Variants in WWOX observed in about 807,000 individuals in gnomAD.
The protein encoded by WWOX is WW domain-containing oxidoreductase.
A neutral mutation model predicts 46.2 loss-of-function variants in WWOX; 69 were observed. The ratio of observed to expected loss-of-function variants is 1.49; its 90% CI spans 1.23 to 1.82. The LOEUF (loss-of-function observed/expected upper bound fraction) is 1.82. WWOX is among the 40% of genes most tolerant of loss of function. The pLI is 0.00. For synonymous variants in WWOX, 359 were observed against 202.6 expected, an observed-to-expected ratio of 1.77 and a Z score of -6.56; for missense variants, 919 against 542.6, an observed-to-expected ratio of 1.69 and a Z score of -6.89.
intron 8 of WWOX, among the ~76,000 whole-genome samples, chr16:78,675,488 G>A (rs1486137160): frequency 2.6e-5 from 4 of 151,832 alleles, no homozygotes; most frequent in Admixed American, 1.3e-4. Flanking sequence ...TTCCAGGCAC[G>A]GTTGTAAGCA....
intron 8 of WWOX, among the ~76,000 whole-genome samples, chr16:78,616,818 C>T (rs890184020): frequency 1.3e-5 from 2 of 152,070 alleles, no homozygotes; most frequent in African/African-American, 4.8e-5. Context: ...ACTCAGGAAG[C>T]CTTCACTCTA....
chr16:78,875,818 C>T (rs532770864), intron 8 of WWOX, among the ~76,000 whole-genome samples: 14 of 152,222 alleles, frequency 9.2e-5, no homozygotes, highest in African/African-American at 3.1e-4. Flanking sequence ...TATTGACTTA[C>T]AGGTTTCTAG....
intron 8 of WWOX, among the ~76,000 whole-genome samples, chr16:78,939,997 T>C (rs2045819958): frequency 6.6e-6 from 1 of 152,218 alleles, no homozygotes; most frequent in Non-Finnish European, 1.5e-5. Flanking sequence ...AAATTTTAAA[T>C]CTATTTTTAT....
intron 8 of WWOX, among the ~76,000 whole-genome samples, chr16:78,730,780 G>T (rs2048952183): frequency 6.6e-6 from 1 of 151,610 alleles, no homozygotes; most frequent in Non-Finnish European, 1.5e-5. Context: ...AAATCTTTTA[G>T]GAAAAAAAAG....
At chr16:78,201,172 G>A (rs1011647801) in intron 5 of WWOX, among the ~76,000 whole-genome samples, 6 of 152,216 alleles carry the variant, frequency 3.9e-5, no homozygotes, top group African/African-American at 9.6e-5. Context: ...TAATGTGGCA[G>A]TGTATTCCTT....
In WWOX at chr16:78,913,191, C is replaced by G. The variant is rs374449363; in HGVS notation, c.1057-298417C>G. On this transcript the variant is annotated intron_variant, in intron 8 of 8. Coordinates refer to ENST00000566780, the MANE Select transcript of WWOX (RefSeq NM_016373.4). ...GAGGTAATATGAGGAGATCCGAGACCTCATCCTTGCAGGGAGTGGGCTTGA... is the reference window on the plus strand; with the variant it reads ...GAGGTAATATGAGGAGATCCGAGACGTCATCCTTGCAGGGAGTGGGCTTGA... Among the ~76,000 whole-genome samples, 17 of 152,112 alleles carry G rather than the reference C, an allele frequency of 1.1e-4. No individual in the cohort carries two copies. In the East Asian group the frequency reaches 2.7e-3, roughly 24 times the overall value.
intron 5 of WWOX, among the ~76,000 whole-genome samples, chr16:78,292,680 C>G (rs1174453151): frequency 6.6e-6 from 1 of 151,874 alleles, no homozygotes; most frequent in African/African-American, 2.4e-5. Context: ...CATGTTGGAG[C>G]AATTCTGGCA....
At chr16:78,651,193 C>T (rs8063721) in intron 8 of WWOX, among the ~76,000 whole-genome samples, 2 of 152,218 alleles carry the variant, frequency 1.3e-5, no homozygotes, top group Non-Finnish European at 2.9e-5. Flanking sequence ...CACCACTGTA[C>T]AGCATCTTTA....
intron 8 of WWOX, among the ~76,000 whole-genome samples, chr16:78,497,401 G>T (rs913122830): frequency 3.3e-5 from 5 of 152,162 alleles, no homozygotes; most frequent in Admixed American, 6.5e-5. Flanking sequence ...CATGACACTG[G>T]TCTGCACAAT....
intron 8 of WWOX, among the ~76,000 whole-genome samples, chr16:78,600,204 C>T (rs2045588420): frequency 6.6e-6 from 1 of 152,006 alleles, no homozygotes; most frequent in Non-Finnish European, 1.5e-5. Context: ...TTACGTTCCA[C>T]CGGGGCCCTC....
chr16:78,704,958 C>T (rs1177022027), intron 8 of WWOX, among the ~76,000 whole-genome samples: 2 of 151,216 alleles, frequency 1.3e-5, no homozygotes, highest in Non-Finnish European at 2.9e-5. Context: ...CCTTAAAAAC[C>T]AGCGACAGTC....
intron 8 of WWOX, among the ~76,000 whole-genome samples, chr16:78,508,310 C>CTTTTTTTTTTTTTTTTTTTTTTTT (rs60281450): frequency 1.8e-5 from 2 of 112,768 alleles, no homozygotes; most frequent in African/African-American, 8.5e-5. Flanking sequence ...TGCGCCCGGC[C>CTTTTTTTTTTTTTTTTTTTTTTTT]TTTTTTTTTT....
intron 8 of WWOX, among the ~76,000 whole-genome samples, chr16:78,919,061 G>T (rs567267003): frequency 8.3e-4 from 127 of 152,164 alleles, no homozygotes; most frequent in African/African-American, 2.8e-3. Flanking sequence ...CGCTGCCAAG[G>T]GGGGCTGTTC....
chr16:78,803,159 C>G (rs1382472134), intron 8 of WWOX, among the ~76,000 whole-genome samples: 4 of 151,570 alleles, frequency 2.6e-5, no homozygotes, highest in Non-Finnish European at 5.9e-5. Context: ...CTGATTTATT[C>G]CACTCACACA....
intron 3 of WWOX, 53 bp downstream of exon 3, chr16:78,109,888 T>G (rs2032389475): frequency 6.3e-7 from 1 of 1,579,762 alleles, no homozygotes; most frequent in Admixed American, 1.7e-5. Flanking sequence ...TAATAGGAAT[T>G]TTTAATTATA....
chr16:78,813,117 G>A (rs1376430544), intron 8 of WWOX, among the ~76,000 whole-genome samples: 2 of 147,786 alleles, frequency 1.4e-5, no homozygotes, highest in South Asian at 2.1e-4. Flanking sequence ...TATACACGTT[G>A]TTCTATAAGT....
chr16:78,693,490 A>T (rs1313668800), intron 8 of WWOX, among the ~76,000 whole-genome samples: 1 of 152,190 alleles, frequency 6.6e-6, no homozygotes, highest in African/African-American at 2.4e-5. Flanking sequence ...CCTAACCATG[A>T]TAATACAAAT....
intron 8 of WWOX, among the ~76,000 whole-genome samples, chr16:78,819,121 A>C (rs1480679115): frequency 1.3e-5 from 2 of 152,078 alleles, no homozygotes; most frequent in East Asian, 3.9e-4. Flanking sequence ...ACTCTTCTGC[A>C]CTCTTTCTCA....
chr16:78,500,562 C>G, intron 8 of WWOX, among the ~76,000 whole-genome samples: 1 of 152,098 alleles, frequency 6.6e-6, no homozygotes, highest in South Asian at 2.1e-4. Context: ...GCTGGAACAC[C>G]TGGCTGAGGC....
Sources: allele counts gnomAD v4.1 joint callset (sites outside exome capture counted in the v4.1 genomes callset), GRCh38; gene constraint gnomAD v4.1.1; transcripts MANE v1.5; gene names NCBI Gene and HGNC (gene_info 2026-07-23, HGNC 2026-07-21).